PCDHA1: variants seen among roughly 807,000 people sequenced by gnomAD.
The protein encoded by PCDHA1 is protocadherin alpha-1.
Under a neutral mutation model 61.3 loss-of-function variants are expected in PCDHA1, and 42 were observed. That is an observed-to-expected ratio of 0.69 (90% confidence interval 0.54 to 0.89). PCDHA1 has a LOEUF of 0.89. PCDHA1 is among the 40% of genes least tolerant of loss of function. The probability of loss-of-function intolerance (pLI) is 0.00; values close to 1 mark genes in which losing one functional copy is unlikely to be tolerated. For missense variants in PCDHA1, 1,256 were observed against 1,235.3 expected (o/e 1.02, Z -0.25); for synonymous variants, 610 against 553.8 (o/e 1.10, Z -1.43).
chr5:140,980,981 A>G (rs1255751936), intron 2 of PCDHA1, among the ~76,000 whole-genome samples: 1 of 152,188 alleles, frequency 6.6e-6, no homozygotes, highest in Non-Finnish European at 1.5e-5. Context: ...GACTGAGCCC[A>G]CACAATTTGC....
intron 1 of PCDHA1, chr5:140,809,996 C>T (rs941295479): frequency 6.4e-6 from 1 of 156,344 alleles, no homozygotes; most frequent in Non-Finnish European, 1.4e-5. Context: ...TGCCAAATCA[C>T]TTCCCTTATT....
At chr5:140,910,213 G>C (rs1375224674) in intron 1 of PCDHA1, among the ~76,000 whole-genome samples, 1 of 152,170 alleles carries the variant, frequency 6.6e-6, no homozygotes, top group African/African-American at 2.4e-5. Flanking sequence ...TGACCTGGAA[G>C]TTTTCTGCTT....
intron 1 of PCDHA1, chr5:140,863,344 T>C (rs1554158123): frequency 1.5e-6 from 2 of 1,323,546 alleles, no homozygotes; most frequent in Admixed American, 1.8e-5. Context: ...GTTGCTGCTG[T>C]ACACGACGCT....
rs2150477897 is a variant in PCDHA1, at chr5:140,850,290, G to A, written c.2394+61606G>A. Reference sequence around the variant, plus strand: ...GGTGGGGAAGGTGCGCGCAGTGGACGCCGACTCGGGCTACAACGCGTGGCT... The same window carrying A: ...GGTGGGGAAGGTGCGCGCAGTGGACACCGACTCGGGCTACAACGCGTGGCT... On this transcript the variant is annotated intron_variant, in intron 1 of 3. Coordinates refer to ENST00000504120, the MANE Select transcript of PCDHA1 (RefSeq NM_018900.4). 4.4e-6 allele frequency: 7 copies of A among 1,595,816 alleles called. 1 individual carries two copies. The highest frequency in any genetic ancestry group is 6.0e-6 in the Non-Finnish European group (7 of 1,167,570).
intron 1 of PCDHA1, chr5:140,860,705 T>C (rs1444620274): frequency 6.6e-6 from 1 of 152,242 alleles, no homozygotes; most frequent in Non-Finnish European, 1.5e-5. Context: ...ATATTGTTGT[T>C]CTCCATGAAA....
rs1761350215 is a variant in PCDHA1, at chr5:140,787,092, G to GA, written c.803dup (p.Asp268GlufsTer3). 6.2e-7 allele frequency: 1 copy of GA among 1,614,206 alleles called. No individual in the cohort carries two copies. The highest frequency in any genetic ancestry group is 1.3e-5 in the African/African-American group (1 of 75,056). On this transcript the variant is annotated frameshift_variant, in exon 1 of 4. Transcript: ENST00000504120. LOFTEE classifies it high-confidence loss of function. ...ATTAGTGACCACATTAAATGCCTCT[G>GA]ATGCTGACGAAGGTGTAAATGGTGA...
At chr5:140,988,600 T>C (rs962869761) in intron 3 of PCDHA1, among the ~76,000 whole-genome samples, 15 of 152,214 alleles carry the variant, frequency 9.9e-5, no homozygotes, top group Non-Finnish European at 1.8e-4. Context: ...AATGGTCATG[T>C]AAATAAAAGA....
chr5:140,908,756 C>A (rs2074138062), intron 1 of PCDHA1, among the ~76,000 whole-genome samples: 1 of 152,106 alleles, frequency 6.6e-6, no homozygotes, highest in Non-Finnish European at 1.5e-5. Flanking sequence ...TTGCACACAG[C>A]CTGGACGTGT....
intron 1 of PCDHA1, chr5:140,795,714 A>G (rs73278777): frequency 6.2e-7 from 1 of 1,614,128 alleles, no homozygotes; most frequent in African/African-American, 1.3e-5. Context: ...ACAAAGTAAA[A>G]TTGTTAGAGA....
chr5:140,929,201 T>C (rs146014873), intron 1 of PCDHA1: 3 of 1,614,168 alleles, frequency 1.9e-6, no homozygotes, highest in East Asian at 4.5e-5. Flanking sequence ...AACAGTTTGC[T>C]GTTGCGTGGG....
At chr5:140,794,093 A>T (rs1205996280) in intron 1 of PCDHA1, among the ~76,000 whole-genome samples, 2 of 152,262 alleles carry the variant, frequency 1.3e-5, no homozygotes, top group Non-Finnish European at 2.9e-5. Context: ...TGTTCACAAC[A>T]GTCAAGAAAT....
At chr5:140,992,208 A>G (rs2097499240) in intron 3 of PCDHA1, among the ~76,000 whole-genome samples, 1 of 152,150 alleles carries the variant, frequency 6.6e-6, no homozygotes, top group African/African-American at 2.4e-5. Context: ...AATCAGATAA[A>G]CTACTCTCCC....
intron 1 of PCDHA1, among the ~76,000 whole-genome samples, chr5:140,793,274 T>C (rs1761760952): frequency 6.6e-6 from 1 of 152,244 alleles, no homozygotes; most frequent in Admixed American, 6.5e-5. Flanking sequence ...TATGGAATTA[T>C]GGAAGGGTGT....
In PCDHA1 at chr5:140,788,071, T is replaced by G. The variant is rs200778871; in HGVS notation, c.1781T>G (p.Val594Gly). The G allele has an allele frequency of 9.3e-6, 15 of 1,613,816 alleles. No homozygotes were observed. The highest frequency in any genetic ancestry group is 1.2e-5 in the Non-Finnish European group (14 of 1,179,900). ...LVGAGHVVAK[V>G]RAVDADSGYN... is the part of the protein sequence containing the mutation. Reference sequence around the variant, plus strand: ...GGTGCGGGTCATGTGGTGGCGAAGGTGCGCGCAGTGGACGCCGACTCGGGC... The same window carrying G: ...GGTGCGGGTCATGTGGTGGCGAAGGGGCGCGCAGTGGACGCCGACTCGGGC... The change falls in exon 1 of 4, where the codon GTG becomes GGG. Residue 594 changes from valine (V) to glycine (G), a missense_variant. Transcript: ENST00000504120.
chr5:140,969,549 C>G (rs1213967618), intron 1 of PCDHA1: 33 of 1,238,058 alleles, frequency 2.7e-5, no homozygotes, highest in Non-Finnish European at 3.4e-5. Flanking sequence ...AGGCATGAAG[C>G]CTTGTCCATA....
chr5:140,820,316 T>C (rs1554127824), intron 1 of PCDHA1, among the ~76,000 whole-genome samples: 1 of 152,012 alleles, frequency 6.6e-6, no homozygotes, highest in African/African-American at 2.4e-5. Flanking sequence ...ATATCTTGTT[T>C]CTTTACAAGT....
intron 3 of PCDHA1, among the ~76,000 whole-genome samples, chr5:140,999,230 G>A (rs2097851745): frequency 6.6e-6 from 1 of 152,194 alleles, no homozygotes; most frequent in Non-Finnish European, 1.5e-5. Flanking sequence ...TTTGAGAATA[G>A]GTGGTTAAAG....
rs2150260051 is a variant in PCDHA1, at chr5:140,836,413, A to C, written c.2394+47729A>C. On this transcript the variant is annotated intron_variant, in intron 1 of 3. Coordinates refer to ENST00000504120, the MANE Select transcript of PCDHA1 (RefSeq NM_018900.4). ...CTGGTGGAAAGCGGCCAGGCACCAA[A>C]GGCGTCGTCGCGGGCATCGTTGGGC... The C allele has an allele frequency of 1.9e-6, 3 of 1,613,666 alleles. No individual in the cohort carries two copies. In the Admixed American group the frequency reaches 5.0e-5, roughly 27 times the overall value.
chr5:140,967,278 G>T, intron 1 of PCDHA1: 1 of 1,613,408 alleles, frequency 6.2e-7, no homozygotes, highest in Non-Finnish European at 8.5e-7. Context: ...CACATAGAGA[G>T]TGCGCAGGAC....
Sources: allele counts gnomAD v4.1 joint callset (sites outside exome capture counted in the v4.1 genomes callset), GRCh38; gene constraint gnomAD v4.1.1; transcripts MANE v1.5; gene names NCBI Gene and HGNC (gene_info 2026-07-23, HGNC 2026-07-21).